Variants in CUX2 observed in about 807,000 individuals in gnomAD.
CUX2 encodes the protein homeobox protein cut-like 2.
Under a neutral mutation model 144.8 loss-of-function variants are expected in CUX2, and 40 were observed. The observed-to-expected ratio is 0.28, with a 90% CI of 0.21 to 0.36. The LOEUF is 0.36. Ranked by LOEUF, CUX2 falls within the 10% of genes least tolerant of loss-of-function variation. The pLI is 1.00. For synonymous variants in CUX2, 827 were observed against 875.6 expected (o/e 0.94, Z 0.98); for missense variants, 1,615 against 1,994.0 (o/e 0.81, Z 3.62).
At chr12:111,239,883 T>A (rs1368174832) in intron 3 of CUX2, among the ~76,000 whole-genome samples, 1 of 152,152 alleles carries the variant, frequency 6.6e-6, no homozygotes, top group East Asian at 1.9e-4. Flanking sequence ...CCCCTGCACC[T>A]GGAGCATTAT....
At chr12:111,272,636 G>A (rs1175243773) in intron 4 of CUX2, among the ~76,000 whole-genome samples, 1 of 152,034 alleles carries the variant, frequency 6.6e-6, no homozygotes, top group Non-Finnish European at 1.5e-5. Context: ...AGCTAATTTT[G>A]TATTTTTAGT....
rs116350502 is a variant in CUX2 at position 111,129,681 on chromosome 12, C to T, written c.64-84519C>T. ...TGATCTTTCTAGTCCTTTATAGTGA[C>T]GCTAATCTCTGCCAGCCCTCTAGGA... is the stretch of plus-strand genomic sequence containing the variant. On this transcript the variant is annotated intron_variant, in intron 1 of 21. Coordinates refer to ENST00000261726, the MANE Select transcript of CUX2 (RefSeq NM_015267.4). 9.3e-3 allele frequency among the ~76,000 whole-genome samples: 1,412 copies of T among 152,262 alleles called. 10 individuals are homozygous for T. The highest frequency in any genetic ancestry group is 0.027 in the African/African-American group (1,105 of 41,548).
chr12:111,316,242 A>G (rs922200349), intron 16 of CUX2, among the ~76,000 whole-genome samples: 24 of 151,072 alleles, frequency 1.6e-4, no homozygotes, highest in African/African-American at 5.6e-4. Context: ...CCTGGGTTCA[A>G]GTGATTCCGC....
At chr12:111,136,961 A>G (rs1192017009) in intron 1 of CUX2, among the ~76,000 whole-genome samples, 1 of 150,748 alleles carries the variant, frequency 6.6e-6, no homozygotes, top group Non-Finnish European at 1.5e-5. Context: ...TTTTTGAGAC[A>G]GGGTCTCGCT....
At chr12:111,240,755 AC>A (rs2136258620) in intron 3 of CUX2, among the ~76,000 whole-genome samples, 1 of 152,306 alleles carries the variant, frequency 6.6e-6, no homozygotes, top group African/African-American at 2.4e-5. Context: ...CCTCTGGGCT[AC>A]TGCACCTCCT....
intron 3 of CUX2, among the ~76,000 whole-genome samples, chr12:111,228,415 G>GGT (rs369288212): frequency 2.4e-3 from 364 of 151,538 alleles, no homozygotes; most frequent in African/African-American, 8.0e-3. Flanking sequence ...TGAAAACTAT[G>GGT]GTGTGTGTGT....
At chr12:111,056,714 G>A (rs1870544848) in intron 1 of CUX2, among the ~76,000 whole-genome samples, 2 of 152,256 alleles carry the variant, frequency 1.3e-5, no homozygotes, top group Admixed American at 1.3e-4. Flanking sequence ...CCACTGGGTG[G>A]AAGGAGTGTC....
chr12:111,125,961 C>T (rs956281897), intron 1 of CUX2, among the ~76,000 whole-genome samples: 6 of 151,410 alleles, frequency 4.0e-5, no homozygotes, highest in Admixed American at 2.6e-4. Flanking sequence ...AATGGGCCAC[C>T]GGGTTATGAA....
In CUX2 at chr12:111,312,234, C is replaced by T; in HGVS notation, c.2002+33C>T. The T allele has an allele frequency of 1.9e-6, 3 of 1,545,688 alleles. No homozygotes were observed. Among genetic ancestry groups the T allele is most frequent in the Non-Finnish European group, 2.6e-6 (3 of 1,133,896 alleles). ...TGACCCCTGCAGGCAAAGCCTGAGG[C>T]CCCCGGGGCCAGCTGCGAACAGGAG... On this transcript the variant is annotated intron_variant, in intron 16 of 21. Coordinates refer to ENST00000261726, the MANE Select transcript of CUX2 (RefSeq NM_015267.4). This position sits in a 1 kb window ranked among gnomAD's most constrained non-coding sequence, Gnocchi z 4.3.
Position 111,186,555 on chromosome 12 carries a change from T to G in CUX2, c.64-27645T>G, listed in dbSNP as rs981749619. The stretch of plus-strand genomic sequence containing the variant: ...CACACCCGGCCACCAGGACCCATGG[T>G]TGCTGAGAGAGAGAAGGGCGACTCT... On this transcript the variant is annotated intron_variant, in intron 1 of 21. Transcript: ENST00000261726. The surrounding 1 kb of genome is among the most constrained non-coding windows in gnomAD (Gnocchi z 4.4). Among the ~76,000 whole-genome samples the G allele has an allele frequency of 3.9e-5, 6 of 152,146 alleles. No individual in the cohort carries two copies. Among genetic ancestry groups the G allele is most frequent in the African/African-American group, 1.2e-4 (5 of 41,436 alleles).
At chr12:111,330,984 T>C (rs1888098541) in intron 18 of CUX2, among the ~76,000 whole-genome samples, 1 of 150,674 alleles carries the variant, frequency 6.6e-6, no homozygotes, top group Non-Finnish European at 1.5e-5. Flanking sequence ...GAGGAATGCA[T>C]AGGAGTTCAA....
At position 111,271,304 on chromosome 12, in the gene CUX2, C is replaced by A. The variant is rs541367296; in HGVS notation, c.301+7465C>A. 2.0e-5 allele frequency among the ~76,000 whole-genome samples: 3 copies of A among 152,320 alleles called. No homozygotes were observed. In the South Asian group the frequency reaches 6.2e-4, roughly 32 times the overall value. ...GAGAAACAGAAAGAGGGAAAACGAC[C>A]AGCTAGAAAAGCATTTTGTTGTTTT... On this transcript the variant is annotated intron_variant, in intron 4 of 21. Transcript: ENST00000261726.
Position 111,307,317 on chromosome 12 carries a change from G to C in CUX2, c.1109+60G>C. 6.7e-7 allele frequency: 1 copy of C among 1,500,406 alleles called. No homozygotes were observed. 92.9% of individuals were successfully genotyped at this position (1,500,406 alleles called of 1,614,324 possible). On this transcript the variant is annotated intron_variant, in intron 12 of 21. Transcript: ENST00000261726. This position sits in a 1 kb window ranked among gnomAD's most constrained non-coding sequence, Gnocchi z 4.1. ...TGCTCTTCCCTGGCCAGGAGCTCTT[G>C]GCAAAGTTCATCATCTTCCTCCCTC...
Position 111,320,609 on chromosome 12 carries a change from A to G in CUX2, c.2600A>G (p.Tyr867Cys). The G allele has an allele frequency of 6.4e-7, 1 of 1,567,304 alleles. No individual in the cohort carries two copies. The highest frequency in any genetic ancestry group is 8.6e-7 in the Non-Finnish European group (1 of 1,165,522). Reference sequence around the variant, plus strand: ...GCCGAGGCGGGCGCGCGGCTGCCCTACTACCCGGCCTACGTGCCGCGCACC... The same window carrying G: ...GCCGAGGCGGGCGCGCGGCTGCCCTGCTACCCGGCCTACGTGCCGCGCACC... ...ATAEAGARLP[Y>C]YPAYVPRTLK... The change falls in exon 17 of 22, where the codon TAC becomes TGC. Residue 867 changes from tyrosine (Y) to cysteine (C), a missense_variant. Tyr to Cys is a radical substitution (Grantham distance 194, BLOSUM62 -2). This residue lies in a region of CUX2 where 390 missense variants were observed against 387.1 expected (regional missense o/e 1.01). Coordinates refer to ENST00000261726, the MANE Select transcript of CUX2 (RefSeq NM_015267.4). The surrounding 1 kb of genome is among the most constrained non-coding windows in gnomAD (Gnocchi z 8.1).
At chr12:111,288,059 G>C (rs1167032737) in intron 4 of CUX2, among the ~76,000 whole-genome samples, 1 of 152,316 alleles carries the variant, frequency 6.6e-6, no homozygotes, top group East Asian at 1.9e-4. Context: ...GTACCGTGAA[G>C]GAAAGGTGTA....
intron 1 of CUX2, among the ~76,000 whole-genome samples, chr12:111,046,558 C>T (rs1870002778): frequency 6.6e-6 from 1 of 152,224 alleles, no homozygotes; most frequent in Non-Finnish European, 1.5e-5. Context: ...TCACTAATGG[C>T]CAAAGCTGCC....
At chr12:111,189,621 G>T (rs1879757364) in intron 1 of CUX2, among the ~76,000 whole-genome samples, 1 of 152,202 alleles carries the variant, frequency 6.6e-6, no homozygotes, top group African/African-American at 2.4e-5. Context: ...GTTGTTTCCA[G>T]TCTGGGGCTA....
chr12:111,094,387 G>C (rs925874369), intron 1 of CUX2, among the ~76,000 whole-genome samples: 3 of 152,240 alleles, frequency 2.0e-5, no homozygotes, highest in African/African-American at 7.2e-5. Context: ...CTGGAAGCCT[G>C]GTTTTCCTGC....
chr12:111,105,954 T>C (rs1397967831), intron 1 of CUX2, among the ~76,000 whole-genome samples: 1 of 147,548 alleles, frequency 6.8e-6, no homozygotes, highest in Non-Finnish European at 1.5e-5. Flanking sequence ...AGCCTTGACC[T>C]CCTGGGCTCA....
Sources: allele counts gnomAD v4.1 joint callset (sites outside exome capture counted in the v4.1 genomes callset), GRCh38; gene constraint gnomAD v4.1.1; regional missense constraint gnomAD v4.1.1; non-coding constraint Gnocchi (gnomAD v3.1); transcripts MANE v1.5; gene names NCBI Gene and HGNC (gene_info 2026-07-23, HGNC 2026-07-21).